The following LRP1B variants were observed in gnomAD, a reference collection of about 807,000 sequenced individuals.
The protein encoded by LRP1B is low-density lipoprotein receptor-related protein 1B.
A neutral mutation model predicts 556.6 loss-of-function variants in LRP1B; 217 were observed. The ratio of observed to expected loss-of-function variants is 0.39; its 90% CI spans 0.35 to 0.44. The LOEUF (loss-of-function observed/expected upper bound fraction) is 0.44, where lower values mean the gene tolerates loss of function less well. Among genes scored for constraint, LRP1B ranks in the 20% least tolerant of loss-of-function variants. The pLI is 1.00. For missense variants in LRP1B, 5,053 were observed against 5,620.8 expected, an observed-to-expected ratio of 0.90 and a Z score of 3.23; for synonymous variants, 2,047 against 1,865.8, an observed-to-expected ratio of 1.10 and a Z score of -2.50.
At chr2:140,542,007 A>G in intron 43 of LRP1B, 36 bp from the exon 44 acceptor site, 1 of 1,442,896 alleles carries the variant, frequency 6.9e-7, no homozygotes, top group Non-Finnish European at 9.5e-7. Context: ...TTTATGATGA[A>G]TATATAGACA....
intron 2 of LRP1B, among the ~76,000 whole-genome samples, chr2:141,607,275 A>G (rs1400609976): frequency 2.0e-5 from 3 of 152,204 alleles, no homozygotes; most frequent in African/African-American, 7.2e-5. Flanking sequence ...AATTACTCCT[A>G]CTAAAACAAA....
At chr2:140,504,268 C>A (rs1385079225) in intron 53 of LRP1B, among the ~76,000 whole-genome samples, 1 of 152,126 alleles carries the variant, frequency 6.6e-6, no homozygotes, top group African/African-American at 2.4e-5. Context: ...TTTACTTCAC[C>A]TTTTAGCAAC....
chr2:141,730,910 C>T (rs1693246969), intron 2 of LRP1B, among the ~76,000 whole-genome samples: 1 of 152,108 alleles, frequency 6.6e-6, no homozygotes, highest in South Asian at 2.1e-4. Flanking sequence ...TCCTTTTTGG[C>T]ATGTAAATAC....
At chr2:141,145,350 T>C (rs1467083464) in intron 7 of LRP1B, among the ~76,000 whole-genome samples, 2 of 152,016 alleles carry the variant, frequency 1.3e-5, no homozygotes, top group African/African-American at 2.4e-5. Context: ...ACTGTACACT[T>C]CTCTGAAAAG....
chr2:140,265,966 C>G (rs905985193), intron 86 of LRP1B, among the ~76,000 whole-genome samples: 1 of 151,936 alleles, frequency 6.6e-6, no homozygotes, highest in African/African-American at 2.4e-5. Context: ...CAAGCATAAT[C>G]TTACATATTC....
intron 86 of LRP1B, among the ~76,000 whole-genome samples, chr2:140,254,714 C>T (rs5023613): frequency 0.31 from 46,682 of 151,786 alleles, 8,799 homozygotes; most frequent in Non-Finnish European, 0.43. Context: ...CCACCACACC[C>T]GGCTGATGTT....
intron 43 of LRP1B, among the ~76,000 whole-genome samples, chr2:140,574,838 GTAAT>G (rs1267990008): frequency 6.6e-6 from 1 of 152,080 alleles, no homozygotes; most frequent in Non-Finnish European, 1.5e-5. Flanking sequence ...ACTGAAAAAA[GTAAT>G]TAACCAATAT....
intron 1 of LRP1B, among the ~76,000 whole-genome samples, chr2:142,079,951 A>T (rs1459911990): frequency 1.3e-5 from 2 of 152,220 alleles, no homozygotes; most frequent in African/African-American, 4.8e-5. Context: ...AGAATTAAGG[A>T]GTATCAGGGC....
In LRP1B at chr2:140,598,635, C is replaced by T. The variant is rs2105188235; in HGVS notation, c.7190G>A (p.Arg2397Lys). 3.7e-6 allele frequency: 6 copies of T among 1,611,536 alleles called. No individual in the cohort carries two copies. Among genetic ancestry groups the T allele is most frequent in the Non-Finnish European group, 5.1e-6 (6 of 1,177,932 alleles). Residue 2397 changes from arginine to lysine, a missense_variant, in exon 43 of 91, where the codon AGA becomes AAA. Arg to Lys is a conservative substitution (Grantham distance 26). This residue lies in a region of LRP1B where 3,619 missense variants were observed against 3,931.9 expected (regional missense o/e 0.92). Coordinates refer to ENST00000389484, the MANE Select transcript of LRP1B (RefSeq NM_018557.3). ...IERCEYDGSQ[R>K]HVIVKSGPGT... ...AGAAATTCCTGATTAACTTACATGTCTCTGGGATCCATCGTATTCACACCT... is the reference window on the plus strand; with the variant it reads ...AGAAATTCCTGATTAACTTACATGTTTCTGGGATCCATCGTATTCACACCT...
chr2:141,927,919 A>AT (rs1471157722), intron 1 of LRP1B, among the ~76,000 whole-genome samples: 5 of 143,652 alleles, frequency 3.5e-5, no homozygotes, highest in Non-Finnish European at 4.5e-5. Context: ...AAAAAAAAAA[A>AT]AGAAAGAAAG....
chr2:141,872,713 C>A (rs1698628263), intron 1 of LRP1B, among the ~76,000 whole-genome samples: 1 of 151,662 alleles, frequency 6.6e-6, no homozygotes, highest in African/African-American at 2.4e-5. Flanking sequence ...GAAAAAAAAT[C>A]TGTGCTACTT....
intron 3 of LRP1B, among the ~76,000 whole-genome samples, chr2:141,445,938 T>G (rs941889274): frequency 6.6e-6 from 1 of 152,202 alleles, no homozygotes; most frequent in African/African-American, 2.4e-5. Context: ...TTAGGTCCAC[T>G]TCGTCTGGAG....
At chr2:140,806,516 G>C (rs1690721701) in intron 32 of LRP1B, among the ~76,000 whole-genome samples, 1 of 152,166 alleles carries the variant, frequency 6.6e-6, no homozygotes, top group Non-Finnish European at 1.5e-5. Flanking sequence ...AGGTGTGAGT[G>C]AAGGGTGGAG....
intron 25 of LRP1B, among the ~76,000 whole-genome samples, chr2:140,879,276 C>T (rs532973115): frequency 1.5e-4 from 23 of 152,194 alleles, no homozygotes. Context: ...ATTCTGTATT[C>T]TCTATATTTA....
At chr2:141,258,825 T>C (rs2105347813) in intron 3 of LRP1B, among the ~76,000 whole-genome samples, 1 of 152,174 alleles carries the variant, frequency 6.6e-6, no homozygotes, top group East Asian at 1.9e-4. Context: ...CCTCCTTTCT[T>C]TTTGGCTTCC....
At chr2:141,872,532 T>C (rs1280946455) in intron 1 of LRP1B, among the ~76,000 whole-genome samples, 5 of 151,802 alleles carry the variant, frequency 3.3e-5, no homozygotes, top group Admixed American at 3.3e-4. Context: ...AAAGATAGAA[T>C]TAATATTTAA....
intron 35 of LRP1B, among the ~76,000 whole-genome samples, chr2:140,747,834 C>T (rs1334563080): frequency 6.6e-6 from 1 of 151,664 alleles, no homozygotes; most frequent in Non-Finnish European, 1.5e-5. Context: ...AAATGAGTAA[C>T]TCTGAAAGTG....
At chr2:140,749,042 T>G (rs1688478514) in intron 35 of LRP1B, among the ~76,000 whole-genome samples, 1 of 151,750 alleles carries the variant, frequency 6.6e-6, no homozygotes, top group African/African-American at 2.4e-5. Context: ...AGCATGTTAT[T>G]GTACTGAGTA....
intron 4 of LRP1B, among the ~76,000 whole-genome samples, chr2:141,249,025 T>C (rs995642896): frequency 6.6e-6 from 1 of 152,186 alleles, no homozygotes; most frequent in African/African-American, 2.4e-5. Context: ...TAGATTTGAA[T>C]GGCTCTATCA....
Sources: gnomAD v4.1 joint callset for allele counts (sites outside exome capture counted in the v4.1 genomes callset) on GRCh38, gnomAD v4.1.1 for gene constraint, gnomAD v4.1.1 regional missense constraint, MANE v1.5 for transcripts, NCBI Gene and HGNC (gene_info 2026-07-23, HGNC 2026-07-21) for gene names.